HMGCLL1: variants seen among roughly 807,000 people sequenced by gnomAD.
The protein encoded by HMGCLL1 is 3-hydroxy-3-methylglutaryl-CoA lyase like 1, also known as 3-hydroxymethyl-3-methylglutaryl-CoA lyase, cytoplasmic.
In HMGCLL1, 36 loss-of-function variants were observed where a neutral mutation model predicts 39.1. That is an observed-to-expected ratio of 0.92 (90% CI 0.71 to 1.22). The LOEUF (loss-of-function observed/expected upper bound fraction) is 1.22, where lower values mean the gene tolerates loss of function less well. HMGCLL1 is among the 50% of genes most tolerant of loss of function. HMGCLL1 has a pLI of 0.00. For missense variants in HMGCLL1, 451 were observed against 416.5 expected, an observed-to-expected ratio of 1.08 and a Z score of -0.72; for synonymous variants, 149 against 144.0, an observed-to-expected ratio of 1.03 and a Z score of -0.25.
At chr6:55,611,841 C>A in the HMGCLL1 span, among the ~76,000 whole-genome samples, 1 of 152,090 alleles carries the variant, frequency 6.6e-6, no homozygotes, top group Non-Finnish European at 1.5e-5. Context: ...AACCCACAAC[C>A]AATATCATAC....
the HMGCLL1 span, among the ~76,000 whole-genome samples, chr6:55,677,458 C>T: frequency 3.9e-5 from 6 of 152,144 alleles, no homozygotes; most frequent in South Asian, 2.1e-4. Context: ...GAGAAATTTA[C>T]TTCATTACAA....
chr6:55,501,400 G>A (rs1766879406), intron 5 of HMGCLL1, among the ~76,000 whole-genome samples: 1 of 151,846 alleles, frequency 6.6e-6, no homozygotes, highest in Admixed American at 6.6e-5. Flanking sequence ...TTGAGCAGTT[G>A]CAACAGAAAT....
chr6:55,630,936 G>C, the HMGCLL1 span, among the ~76,000 whole-genome samples: 1 of 152,136 alleles, frequency 6.6e-6, no homozygotes, highest in African/African-American at 2.4e-5. Flanking sequence ...CTAAATCAGA[G>C]CTTCTTTATA....
intron 1 of HMGCLL1, among the ~76,000 whole-genome samples, chr6:55,548,361 G>T (rs1256348813): frequency 2.0e-5 from 3 of 151,960 alleles, no homozygotes; most frequent in African/African-American, 7.2e-5. Context: ...CAGAGTATCA[G>T]TGTGGACATA....
At chr6:55,657,543 A>G in the HMGCLL1 span, among the ~76,000 whole-genome samples, 1 of 151,854 alleles carries the variant, frequency 6.6e-6, no homozygotes, top group Non-Finnish European at 1.5e-5. Flanking sequence ...CCATTGGTCT[A>G]TGTGTCTGTT....
chr6:55,580,412 T>C (rs1271413236), upstream of HMGCLL1, among the ~76,000 whole-genome samples: 10 of 114,812 alleles, frequency 8.7e-5, no homozygotes, highest in African/African-American at 2.4e-4. Context: ...CTTTCTTTTT[T>C]TTTTTTTTTT....
chr6:55,529,024 G>T (rs1175682018), intron 3 of HMGCLL1, among the ~76,000 whole-genome samples: 1 of 151,990 alleles, frequency 6.6e-6, no homozygotes, highest in African/African-American at 2.4e-5. Context: ...TCCAGATAAA[G>T]AAATAAAAGT....
intron 1 of HMGCLL1, among the ~76,000 whole-genome samples, chr6:55,570,595 C>T (rs998482187): frequency 6.6e-6 from 1 of 152,172 alleles, no homozygotes; most frequent in East Asian, 1.9e-4. Flanking sequence ...CCATCATTCC[C>T]TTCATCCCAA....
the HMGCLL1 span, among the ~76,000 whole-genome samples, chr6:55,633,501 A>G: frequency 6.6e-6 from 1 of 151,820 alleles, no homozygotes; most frequent in Non-Finnish European, 1.5e-5. Flanking sequence ...TAATTCAAGC[A>G]GAAGGTAGAC....
At chr6:55,626,815 A>G in the HMGCLL1 span, among the ~76,000 whole-genome samples, 1 of 152,048 alleles carries the variant, frequency 6.6e-6, no homozygotes, top group Non-Finnish European at 1.5e-5. Flanking sequence ...AGAGGCTAAG[A>G]AAGGAGTCAC....
the HMGCLL1 span, among the ~76,000 whole-genome samples, chr6:55,628,309 T>TTTATTTTTAATTTAATTAA: frequency 1.1e-4 from 16 of 144,990 alleles, no homozygotes; most frequent in Non-Finnish European, 1.9e-4. Flanking sequence ...ATTTAATTTA[T>TTTATTTTTAATTTAATTAA]TTATTTTTTT....
At chr6:55,518,047 TG>T (rs1767836524) in intron 3 of HMGCLL1, among the ~76,000 whole-genome samples, 1 of 152,176 alleles carries the variant, frequency 6.6e-6, no homozygotes, top group Non-Finnish European at 1.5e-5. Flanking sequence ...TGCATAAAAG[TG>T]ATATCTCTCA....
chr6:55,665,079 T>C, the HMGCLL1 span, among the ~76,000 whole-genome samples: 2 of 151,768 alleles, frequency 1.3e-5, no homozygotes, highest in African/African-American at 2.4e-5. Context: ...GAGGAGTTTA[T>C]GCAAGAGTAC....
chr6:55,449,933 TTTAG>T (rs5876450), intron 7 of HMGCLL1, among the ~76,000 whole-genome samples: 45,574 of 151,652 alleles, frequency 0.3, 7,179 homozygotes, highest in African/African-American at 0.42. Flanking sequence ...TTTTTTTTAC[TTTAG>T]TTAGTCAGTT....
the HMGCLL1 span, among the ~76,000 whole-genome samples, chr6:55,669,170 A>ACT: frequency 6.6e-6 from 1 of 151,830 alleles, no homozygotes; most frequent in Non-Finnish European, 1.5e-5. Flanking sequence ...GTCAACCTGA[A>ACT]CATGCCTGGA....
chr6:55,495,586 T>C lies in HMGCLL1; in HGVS notation c.628A>G (p.Met210Val). Residue 210 changes from methionine to valine, a missense_variant, in exon 7 of 9, where the codon ATG becomes GTG. Coordinates refer to ENST00000274901, the MANE Select transcript of HMGCLL1 (RefSeq NM_001042406.2). ...CCTAGAGAGATCTCATAACAACCCA[T>C]GCCGTACAATCTCTTAGACACCTGT... ...VTEVSKRLYG[M>V]GCYEISLGDT... The C allele has an allele frequency of 2.5e-6, 4 of 1,610,556 alleles. No individual in the cohort carries two copies. The highest frequency in any genetic ancestry group is 2.5e-6 in the Non-Finnish European group (3 of 1,178,386).
At chr6:55,461,598 A>C (rs1764569836) in intron 7 of HMGCLL1, among the ~76,000 whole-genome samples, 1 of 152,092 alleles carries the variant, frequency 6.6e-6, no homozygotes, top group Admixed American at 6.6e-5. Flanking sequence ...ACCGGCTATA[A>C]ACTGGTTTGT....
chr6:55,482,792 T>C (rs887520292), intron 7 of HMGCLL1, among the ~76,000 whole-genome samples: 5 of 152,120 alleles, frequency 3.3e-5, no homozygotes, highest in Non-Finnish European at 1.5e-5. Context: ...CCTCAGGAAA[T>C]TGATGTCATG....
At chr6:55,573,274 A>G (rs1041121620) in intron 1 of HMGCLL1, among the ~76,000 whole-genome samples, 6 of 152,200 alleles carry the variant, frequency 3.9e-5, no homozygotes, top group African/African-American at 1.4e-4. Context: ...TGAGAAGGAC[A>G]GTATTATTCA....
Sources: gnomAD v4.1 joint callset for allele counts (sites outside exome capture counted in the v4.1 genomes callset) on GRCh38, gnomAD v4.1.1 for gene constraint, MANE v1.5 for transcripts, NCBI Gene and HGNC (gene_info 2026-07-23, HGNC 2026-07-21) for gene names.